The following DOCK2 variants were observed in gnomAD, a reference collection of about 807,000 sequenced individuals.
DOCK2 encodes dedicator of cytokinesis protein 2.
DOCK2 carries 87 observed loss-of-function variants against 248.9 expected under a neutral mutation model. The observed-to-expected ratio is 0.35, with a 90% CI of 0.29 to 0.42. DOCK2 has a LOEUF of 0.42. Among genes scored for constraint, DOCK2 ranks in the 10% least tolerant of loss-of-function variants. DOCK2 has a pLI of 1.00. For missense variants in DOCK2, 1,747 were observed against 2,300.2 expected, an observed-to-expected ratio of 0.76 and a Z score of 4.92; for synonymous variants, 805 against 821.6, an observed-to-expected ratio of 0.98 and a Z score of 0.35.
chr5:169,966,771 G>A (rs1777315938), intron 27 of DOCK2, among the ~76,000 whole-genome samples: 1 of 152,154 alleles, frequency 6.6e-6, no homozygotes, highest in Non-Finnish European at 1.5e-5. Context: ...CGGAAAGAAT[G>A]GCCAGGACTC....
chr5:169,858,877 G>T (rs1771029114), intron 27 of DOCK2, among the ~76,000 whole-genome samples: 1 of 152,150 alleles, frequency 6.6e-6, no homozygotes, highest in Non-Finnish European at 1.5e-5. Context: ...AGTGGGTTGT[G>T]GTGGTAAGCA....
At chr5:170,017,305 A>C (rs1009699114) in intron 32 of DOCK2, among the ~76,000 whole-genome samples, 3 of 152,114 alleles carry the variant, frequency 2.0e-5, no homozygotes, top group Admixed American at 1.3e-4. Context: ...AATGGATGAA[A>C]CCAGGATGGG....
intron 33 of DOCK2, among the ~76,000 whole-genome samples, chr5:170,023,588 C>G (rs1416907308): frequency 6.6e-6 from 1 of 152,122 alleles, no homozygotes; most frequent in Non-Finnish European, 1.5e-5. Context: ...CCATCCCAAG[C>G]TCTTTTGGGG....
chr5:169,701,039 T>C (rs185458576), intron 13 of DOCK2, among the ~76,000 whole-genome samples: 1 of 152,314 alleles, frequency 6.6e-6, no homozygotes, highest in Admixed American at 6.5e-5. Context: ...TGAAGTAACC[T>C]GATGTTAACA....
At chr5:169,810,587 T>C (rs1040094189) in intron 26 of DOCK2, among the ~76,000 whole-genome samples, 17 of 152,176 alleles carry the variant, frequency 1.1e-4, no homozygotes, top group Non-Finnish European at 8.8e-5. Context: ...TTACTTCAGG[T>C]TACTTTCCTT....
Position 169,671,181 on chromosome 5 carries a change from C to G in DOCK2, c.321+7C>G. On this transcript the variant is annotated splice_region_variant and intron_variant, in intron 5 of 51. Coordinates refer to ENST00000520908, the MANE Select transcript of DOCK2 (RefSeq NM_004946.3). ...CTGGAAACAACTCTATGTGGTGAGA[C>G]TCAGAACTCTGCTCCCTGAGTTGGA... The G allele has an allele frequency of 6.2e-7, 1 of 1,611,788 alleles. No homozygotes were observed.
chr5:169,786,071 G>A (rs1176187231), intron 25 of DOCK2, among the ~76,000 whole-genome samples: 2 of 152,148 alleles, frequency 1.3e-5, no homozygotes, highest in Non-Finnish European at 2.9e-5. Context: ...GCATTTCCCA[G>A]TTCAGGGCTA....
intron 22 of DOCK2, among the ~76,000 whole-genome samples, chr5:169,719,211 C>T (rs116451324): frequency 0.01 from 1,564 of 152,262 alleles, 28 homozygotes; most frequent in African/African-American, 0.035. Flanking sequence ...TTGCAGTTGA[C>T]CTGTCTGTCC....
chr5:169,760,364 G>A (rs1195641676), intron 24 of DOCK2, among the ~76,000 whole-genome samples: 1 of 152,152 alleles, frequency 6.6e-6, no homozygotes, highest in Non-Finnish European at 1.5e-5. Context: ...GAGTTGCAAA[G>A]ATTACATACA....
intron 38 of DOCK2, among the ~76,000 whole-genome samples, chr5:170,044,180 T>C: frequency 6.6e-6 from 1 of 152,210 alleles, no homozygotes. Flanking sequence ...AAGTTCATCT[T>C]GCCATCACCC....
In DOCK2 at chr5:169,639,930, C is replaced by T. The variant is rs558930213; in HGVS notation, c.43+2561C>T. 4.0e-4 allele frequency among the ~76,000 whole-genome samples: 61 copies of T among 152,320 alleles called. No homozygotes were observed. In the Middle Eastern group the frequency reaches 0.014, roughly 34 times the overall value. On this transcript the variant is annotated intron_variant, in intron 1 of 51. Transcript: ENST00000520908. ...CAGAAATGTATTTTCTCACAGTTCT[C>T]GAGGCTGGAAGTCTAAGATCAAAGC...
At chr5:169,753,822 G>A (rs1388631058) in intron 23 of DOCK2, among the ~76,000 whole-genome samples, 1 of 152,116 alleles carries the variant, frequency 6.6e-6, no homozygotes, top group Non-Finnish European at 1.5e-5. Flanking sequence ...TATTTTCCTC[G>A]GGGACAACTC....
rs528627039 is a variant in DOCK2, at chr5:169,925,351, G to A, written c.2800-57717G>A. Among the ~76,000 whole-genome samples the A allele has an allele frequency of 3.9e-5, 6 of 152,272 alleles. No homozygotes were observed. The East Asian group carries it at 1.2e-3, about 30-fold the overall frequency. On this transcript the variant is annotated intron_variant, in intron 27 of 51. Coordinates refer to ENST00000520908, the MANE Select transcript of DOCK2 (RefSeq NM_004946.3). ...AGCATCGTCTTGTTGAGAGGCTGAG[G>A]TGGGCAGATCACAAGGTCAGGCGTT...
At chr5:169,945,149 A>G (rs1426388751) in intron 27 of DOCK2, among the ~76,000 whole-genome samples, 1 of 152,232 alleles carries the variant, frequency 6.6e-6, no homozygotes, top group Admixed American at 6.5e-5. Flanking sequence ...ATCCTCTGAC[A>G]TGGTTAAAAA....
chr5:169,985,404 A>G (rs1282515395), intron 28 of DOCK2, among the ~76,000 whole-genome samples: 2 of 141,298 alleles, frequency 1.4e-5, no homozygotes, highest in African/African-American at 2.6e-5. Flanking sequence ...TATGTGTGTG[A>G]CATATGAATT....
At chr5:169,695,101 C>G (rs1760534980) in intron 9 of DOCK2, 1 of 152,258 alleles carries the variant, frequency 6.6e-6, no homozygotes, top group Non-Finnish European at 1.5e-5. Flanking sequence ...ATGTGCATCT[C>G]TCTTGGGTAG....
chr5:170,064,158 A>T (rs930924508), intron 44 of DOCK2, among the ~76,000 whole-genome samples: 2 of 152,192 alleles, frequency 1.3e-5, no homozygotes, highest in African/African-American at 4.8e-5. Context: ...CTTCTACACA[A>T]GGCCAGTCTG....
intron 6 of DOCK2, among the ~76,000 whole-genome samples, chr5:169,677,352 A>G (rs1759390634): frequency 6.6e-6 from 1 of 151,880 alleles, no homozygotes. Flanking sequence ...CTTTTTTTTG[A>G]TAAAGAACTG....
chr5:169,855,167 A>AT (rs896442246), intron 27 of DOCK2, among the ~76,000 whole-genome samples: 1 of 152,176 alleles, frequency 6.6e-6, no homozygotes, highest in Admixed American at 6.5e-5. Context: ...CCTTGTGGTA[A>AT]TTTTTTTGAA....
Sources: allele counts gnomAD v4.1 joint callset (sites outside exome capture counted in the v4.1 genomes callset), GRCh38; gene constraint gnomAD v4.1.1; transcripts MANE v1.5; gene names NCBI Gene and HGNC (gene_info 2026-07-23, HGNC 2026-07-21).